Variants in NFIB observed in about 807,000 individuals in gnomAD.
NFIB encodes the protein nuclear factor 1 B-type.
Under a neutral mutation model 61.5 loss-of-function variants are expected in NFIB, and 11 were observed. That is an observed-to-expected ratio of 0.18 (90% CI 0.11 to 0.30). NFIB has a LOEUF of 0.30. Among genes scored for constraint, NFIB ranks in the 10% least tolerant of loss-of-function variants. The pLI, the probability that NFIB is intolerant of heterozygous loss-of-function variation, is 1.00. For missense variants in NFIB, 471 were observed against 608.9 expected (o/e 0.77, Z 2.38); for synonymous variants, 260 against 216.5 (o/e 1.20, Z -1.76).
intron 2 of NFIB, among the ~76,000 whole-genome samples, chr9:14,271,552 A>G (rs1195902796): frequency 2.0e-5 from 3 of 152,140 alleles, no homozygotes; most frequent in Non-Finnish European, 1.5e-5. Context: ...AGGACCGGGA[A>G]AAAAATCAGA....
chr9:14,308,890 T>G (rs1421249448), intron 1 of NFIB, among the ~76,000 whole-genome samples: 1 of 152,236 alleles, frequency 6.6e-6, no homozygotes, highest in Non-Finnish European at 1.5e-5. Context: ...GCAGTCAGTT[T>G]CGTTACTTCC....
At position 14,244,513 on chromosome 9, in the gene NFIB, G is replaced by C. The variant is rs571063018; in HGVS notation, c.562+62476C>G. ...TTCTGAGCTAATGGGAATGAGTATAGTAAGCTTTACCGATAACTTTAATCT... is the reference window on the plus strand; with the variant it reads ...TTCTGAGCTAATGGGAATGAGTATACTAAGCTTTACCGATAACTTTAATCT... On this transcript the variant is annotated intron_variant, in intron 2 of 10. Transcript: ENST00000380953. Among the ~76,000 whole-genome samples the C allele has an allele frequency of 8.9e-4, 135 of 152,252 alleles. 1 individual carries two copies. Among genetic ancestry groups the C allele is most frequent in the African/African-American group, 3.2e-3 (134 of 41,544 alleles).
intron 6 of NFIB, among the ~76,000 whole-genome samples, chr9:14,139,433 TGCAGAGAAACTTTGTATG>T (rs1487866497): frequency 1.3e-5 from 2 of 152,216 alleles, no homozygotes; most frequent in African/African-American, 4.8e-5. Flanking sequence ...CCTTTTCTTA[TGCAGAGAAACTTTGTATG>T]GCACACTATG....
the NFIB span, among the ~76,000 whole-genome samples, chr9:14,432,202 T>C: frequency 6.6e-6 from 1 of 152,182 alleles, no homozygotes; most frequent in East Asian, 1.9e-4. Context: ...ACTAAGGTAA[T>C]CTCCTGCTGG....
chr9:14,166,779 C>T (rs1385647035), intron 3 of NFIB, among the ~76,000 whole-genome samples: 1 of 152,092 alleles, frequency 6.6e-6, no homozygotes, highest in Non-Finnish European at 1.5e-5. Flanking sequence ...TGGGGTTGTC[C>T]TCTATATCAA....
chr9:14,268,278 T>C (rs2057360881), intron 2 of NFIB, among the ~76,000 whole-genome samples: 1 of 152,176 alleles, frequency 6.6e-6, no homozygotes, highest in South Asian at 2.1e-4. Context: ...CAGAATTGTC[T>C]TCTAAAGGAC....
At chr9:14,186,721 A>G (rs1160478965) in intron 2 of NFIB, among the ~76,000 whole-genome samples, 1 of 151,568 alleles carries the variant, frequency 6.6e-6, no homozygotes, top group East Asian at 1.9e-4. Context: ...GATTTACAGA[A>G]CACTAGCTTT....
chr9:14,319,468 CA>C (rs1588302530), intron 1 of NFIB, among the ~76,000 whole-genome samples: 3 of 152,346 alleles, frequency 2.0e-5, no homozygotes, highest in East Asian at 3.9e-4. Context: ...CACTTATCCA[CA>C]ATGTTACAAA....
At chr9:14,348,058 A>G (rs2061055059) in intron 1 of NFIB, among the ~76,000 whole-genome samples, 3 of 152,142 alleles carry the variant, frequency 2.0e-5, no homozygotes, top group Non-Finnish European at 4.4e-5. Context: ...CTGGGCATTT[A>G]TGCTGGGGGC....
At chr9:14,306,704 C>T (rs771040879) in intron 2 of NFIB, among the ~76,000 whole-genome samples, 1 of 152,186 alleles carries the variant, frequency 6.6e-6, no homozygotes. Context: ...TTAGACTACC[C>T]TATGTCTTTG....
chr9:14,448,328 G>A, the NFIB span, among the ~76,000 whole-genome samples: 11 of 152,096 alleles, frequency 7.2e-5, no homozygotes, highest in East Asian at 7.7e-4. Flanking sequence ...TGTATCTTGC[G>A]GTATCTATAG....
chr9:14,292,742 G>C (rs1027480674), intron 2 of NFIB, among the ~76,000 whole-genome samples: 1 of 152,090 alleles, frequency 6.6e-6, no homozygotes, highest in South Asian at 2.1e-4. Context: ...CTCTACATCA[G>C]TAAACAAAGG....
the NFIB span, among the ~76,000 whole-genome samples, chr9:14,426,815 G>A: frequency 6.6e-6 from 1 of 152,112 alleles, no homozygotes; most frequent in African/African-American, 2.4e-5. Flanking sequence ...TTCCCTGCCT[G>A]GGGAACCTCT....
the NFIB span, among the ~76,000 whole-genome samples, chr9:14,474,141 A>C: frequency 2.6e-5 from 4 of 152,084 alleles, no homozygotes; most frequent in Non-Finnish European, 5.9e-5. Flanking sequence ...CCTGCCTTAC[A>C]TTGTTCAGGT....
intron 2 of NFIB, among the ~76,000 whole-genome samples, chr9:14,225,914 C>G (rs374235622): frequency 3.3e-5 from 5 of 152,026 alleles, no homozygotes; most frequent in Non-Finnish European, 7.4e-5. Flanking sequence ...CTTTTGAAAT[C>G]TGAATGAATC....
At chr9:14,431,617 C>T in the NFIB span, among the ~76,000 whole-genome samples, 1 of 150,170 alleles carries the variant, frequency 6.7e-6, no homozygotes, top group African/African-American at 2.5e-5. Context: ...CCCCTCTCTC[C>T]ACCATTTTTT....
chr9:14,399,284 T>C (rs1040488728), upstream of NFIB, among the ~76,000 whole-genome samples: 2 of 152,194 alleles, frequency 1.3e-5, no homozygotes, highest in Non-Finnish European at 2.9e-5. Flanking sequence ...AAAGCACTGG[T>C]CTAGATAGTT....
chr9:14,124,332 T>C (rs1402345922), intron 7 of NFIB, among the ~76,000 whole-genome samples: 1 of 152,220 alleles, frequency 6.6e-6, no homozygotes, highest in African/African-American at 2.4e-5. Context: ...ACTGATTTTT[T>C]CACCTATCTC....
the NFIB span, among the ~76,000 whole-genome samples, chr9:14,408,410 T>C: frequency 6.6e-6 from 1 of 152,200 alleles, no homozygotes; most frequent in Non-Finnish European, 1.5e-5. Context: ...CCATTATCCC[T>C]AGGGTATGAC....
Sources: allele counts gnomAD v4.1 joint callset (sites outside exome capture counted in the v4.1 genomes callset), GRCh38; gene constraint gnomAD v4.1.1; transcripts MANE v1.5; gene names NCBI Gene and HGNC (gene_info 2026-07-23, HGNC 2026-07-21).